Variants in RTF1 observed in about 807,000 individuals in gnomAD.
The protein encoded by RTF1 is RTF1 homolog, Paf1/RNA polymerase II complex component, also known as RNA polymerase-associated protein RTF1 homolog.
Under a neutral mutation model 95.7 loss-of-function variants are expected in RTF1, and 10 were observed. The ratio of observed to expected loss-of-function variants is 0.10; its 90% CI spans 0.06 to 0.18. RTF1 has a LOEUF of 0.18. RTF1 is among the 10% of genes least tolerant of loss of function. The pLI is 1.00. For missense variants in RTF1, 458 were observed against 875.6 expected (o/e 0.52, Z 6.02); for synonymous variants, 305 against 311.8 (o/e 0.98, Z 0.23).
chr15:41,445,174 A>T (rs2050754685), intron 2 of RTF1, among the ~76,000 whole-genome samples: 1 of 151,868 alleles, frequency 6.6e-6, no homozygotes, highest in Admixed American at 6.6e-5. Context: ...TGACCTCGTG[A>T]TCCACCCGCC....
At chr15:41,431,504 C>T (rs1225892012) in intron 1 of RTF1, among the ~76,000 whole-genome samples, 2 of 151,670 alleles carry the variant, frequency 1.3e-5, no homozygotes, top group Non-Finnish European at 2.9e-5. Flanking sequence ...CGTGAACCAC[C>T]GCGCCCGACT....
intron 2 of RTF1, among the ~76,000 whole-genome samples, chr15:41,444,282 G>A (rs919361662): frequency 6.6e-6 from 1 of 150,596 alleles, no homozygotes; most frequent in Non-Finnish European, 1.5e-5. Context: ...AAGGAAAAAA[G>A]AAAAATACTT....
At chr15:41,430,109 G>A (rs541563322) in intron 1 of RTF1, among the ~76,000 whole-genome samples, 2 of 147,084 alleles carry the variant, frequency 1.4e-5, no homozygotes, top group Admixed American at 6.9e-5. Flanking sequence ...CTGGGTTCAC[G>A]CAGTTCTCCT....
At chr15:41,469,728 T>C (rs1449995505) in intron 6 of RTF1, among the ~76,000 whole-genome samples, 1 of 152,144 alleles carries the variant, frequency 6.6e-6, no homozygotes, top group Non-Finnish European at 1.5e-5. Flanking sequence ...TTTCACCATG[T>C]TGACCAAGCT....
At chr15:41,460,284 G>A (rs536895034) in intron 4 of RTF1, among the ~76,000 whole-genome samples, 14 of 151,670 alleles carry the variant, frequency 9.2e-5, no homozygotes, top group East Asian at 1.9e-4. Flanking sequence ...CACAACGCCC[G>A]GCTAATTTTT....
intron 1 of RTF1, among the ~76,000 whole-genome samples, chr15:41,421,827 C>A (rs1174230575): frequency 1.3e-5 from 2 of 151,620 alleles, no homozygotes; most frequent in African/African-American, 2.4e-5. Flanking sequence ...CCTTCCCCCT[C>A]AGCCTCTCAA....
At chr15:41,427,851 A>G (rs1005706551) in intron 1 of RTF1, among the ~76,000 whole-genome samples, 3 of 151,922 alleles carry the variant, frequency 2.0e-5, no homozygotes, top group African/African-American at 7.3e-5. Context: ...CAGTGGGGCA[A>G]TCTCAGCTCA....
chr15:41,460,132 T>G (rs932532891), intron 4 of RTF1, among the ~76,000 whole-genome samples: 18 of 151,742 alleles, frequency 1.2e-4, no homozygotes, highest in Middle Eastern at 3.4e-3. Flanking sequence ...TTTTTTTTTT[T>G]TTTTTTTGAG....
At position 41,474,709 on chromosome 15, in the gene RTF1, G is replaced by T; in HGVS notation, c.1286+7G>T. 1 of 1,607,370 alleles carries T rather than the reference G, an allele frequency of 6.2e-7. No individual in the cohort carries two copies. Among genetic ancestry groups the T allele is most frequent in the Non-Finnish European group, 8.5e-7 (1 of 1,173,836 alleles). On this transcript the variant is annotated splice_region_variant and intron_variant, in intron 9 of 17. Coordinates refer to ENST00000389629, the MANE Select transcript of RTF1 (RefSeq NM_015138.5). ...ACAAAGGGCTGCAACTACGGTAGGA[G>T]GCACTTCTGGGGTAGCTTCTGCTTC...
chr15:41,460,870 CT>C (rs1053806833), intron 4 of RTF1, among the ~76,000 whole-genome samples: 5 of 147,174 alleles, frequency 3.4e-5, no homozygotes, highest in Non-Finnish European at 7.5e-5. Context: ...AATATTTTTT[CT>C]TTTTTTTCTT....
rs1478911932 is a variant in RTF1 at position 41,464,872 on chromosome 15, T to A, written c.764T>A (p.Ile255Asn). The A allele has an allele frequency of 6.5e-7, 1 of 1,529,350 alleles. No individual in the cohort carries two copies. The highest frequency in any genetic ancestry group is 8.8e-7 in the Non-Finnish European group (1 of 1,141,952). 94.7% of individuals were successfully genotyped at this position (1,529,350 alleles called of 1,614,324 possible). A position where few individuals can be genotyped will look rare whatever the true frequency, so the allele number is the denominator to read the frequency against. ...CAAGAAAAGAAAAAACTGACACAGA[T>A]TCAAGAATCTCAGGTAGGAGATTCA... ...EEQEKKKLTQIQESQVTSHNK... is the reference protein window; with the variant it reads ...EEQEKKKLTQNQESQVTSHNK... The change falls in exon 5 of 18, where the codon ATT becomes AAT. Residue 255 changes from isoleucine (I) to asparagine (N), a missense_variant. By Grantham distance (149) the Ile-to-Asn change is moderately radical. Around this residue, in one of 11 missense-constraint regions of RTF1, gnomAD observed 39 missense variants for 43.8 expected, o/e 0.89. Coordinates refer to ENST00000389629, the MANE Select transcript of RTF1 (RefSeq NM_015138.5).
intron 1 of RTF1, among the ~76,000 whole-genome samples, chr15:41,425,813 G>T (rs1362820332): frequency 1.3e-5 from 2 of 152,164 alleles, no homozygotes; most frequent in African/African-American, 4.8e-5. Flanking sequence ...ACTGAGGACT[G>T]ATTAGATGTT....
rs548679352 is a variant in RTF1, at chr15:41,470,904, C to T, written c.1026-268C>T. 7.9e-5 allele frequency among the ~76,000 whole-genome samples: 12 copies of T among 152,008 alleles called. No individual in the cohort carries two copies. The East Asian group carries it at 1.7e-3, about 22-fold the overall frequency. On this transcript the variant is annotated intron_variant, in intron 7 of 17. Transcript: ENST00000389629. ...CGATCTCCTGACCTCGTGATCCGCC[C>T]GCCTCGGCCTCCCAAAGTGCTGGGA...
At chr15:41,429,675 C>A (rs1265674147) in intron 1 of RTF1, among the ~76,000 whole-genome samples, 1 of 152,094 alleles carries the variant, frequency 6.6e-6, no homozygotes, top group Admixed American at 6.6e-5. Flanking sequence ...AGTTCTTTGA[C>A]TAAGCCAAGC....
intron 13 of RTF1, 83 bp from the exon 14 acceptor site, chr15:41,477,375 C>A (rs889076486): frequency 7.9e-5 from 128 of 1,612,376 alleles, no homozygotes; most frequent in Middle Eastern, 4.9e-4. Context: ...CTGCACTGAC[C>A]CCATAGATAT....
rs1358304790 is a variant in RTF1 at position 41,438,369 on chromosome 15, G to A, written c.247G>A (p.Glu83Lys). 2 of 1,551,308 alleles carry A rather than the reference G, an allele frequency of 1.3e-6. No homozygotes were observed. The highest frequency in any genetic ancestry group is 1.7e-4 in the Middle Eastern group (1 of 5,990). Reference sequence around the variant, plus strand: ...AAAGCGCAGTGACTCTGAGGAGAAGGAGCCGCCTGTGAGTCAGCCTGCAGC... The same window carrying A: ...AAAGCGCAGTGACTCTGAGGAGAAGAAGCCGCCTGTGAGTCAGCCTGCAGC... ...KRKRSDSEEK[E>K]PPVSQPAASS... The change falls in exon 2 of 18, where the codon GAG becomes AAG. Residue 83 changes from glutamate (E) to lysine (K), a missense_variant. Transcript: ENST00000389629.
intron 1 of RTF1, among the ~76,000 whole-genome samples, chr15:41,433,012 G>A (rs1292218645): frequency 6.6e-6 from 1 of 152,092 alleles, no homozygotes; most frequent in Non-Finnish European, 1.5e-5. Context: ...CAACACTTTG[G>A]GAGGCTGAGG....
intron 2 of RTF1, among the ~76,000 whole-genome samples, chr15:41,439,917 G>A (rs2050724168): frequency 6.6e-6 from 1 of 152,074 alleles, no homozygotes; most frequent in Non-Finnish European, 1.5e-5. Context: ...CTCCCAAACT[G>A]CTGAGATTAC....
Position 41,460,127 on chromosome 15 carries a change from T to G in RTF1, c.662+2251T>G, listed in dbSNP as rs112008848. ...GATTTTTGTTTTTGTTTTTGTTTTT[T>G]TTTTTTTTTTTTGAGACAGACTTTC... On this transcript the variant is annotated intron_variant, in intron 4 of 17. Transcript: ENST00000389629. Among the ~76,000 whole-genome samples, 147 of 100,868 alleles carry G rather than the reference T, an allele frequency of 1.5e-3. 1 individual carries two copies. The highest frequency in any genetic ancestry group is 2.6e-3 in the Non-Finnish European group (102 of 38,822). The allele number at this position is 100,868 out of a possible 152,430, so 66.2% of individuals were successfully genotyped here.
Sources: gnomAD v4.1 joint callset for allele counts (sites outside exome capture counted in the v4.1 genomes callset) on GRCh38, gnomAD v4.1.1 for gene constraint, gnomAD v4.1.1 regional missense constraint, MANE v1.5 for transcripts, NCBI Gene and HGNC (gene_info 2026-07-23, HGNC 2026-07-21) for gene names.